The following RWDD4 variants were observed in gnomAD, a reference collection of about 807,000 sequenced individuals.
The protein encoded by RWDD4 is RWD domain-containing protein 4.
Under a neutral mutation model 30.0 loss-of-function variants are expected in RWDD4, and 16 were observed. The ratio of observed to expected loss-of-function variants is 0.53; its 90% CI spans 0.36 to 0.81. The LOEUF is 0.81. RWDD4 is among the 30% of genes least tolerant of loss of function. RWDD4 has a pLI of 0.00. For missense variants in RWDD4, 170 were observed against 223.9 expected, an observed-to-expected ratio of 0.76 and a Z score of 1.54; for synonymous variants, 45 against 72.1, an observed-to-expected ratio of 0.62 and a Z score of 1.90.
At chr4:183,649,613 T>G (rs1169973398) in intron 4 of RWDD4, 45 bp from the exon 5 acceptor site, 1 of 1,023,950 alleles carries the variant, frequency 9.8e-7, no homozygotes, top group African/African-American at 1.6e-5. Flanking sequence ...CCTTACAACT[T>G]GTGTTACACT....
At chr4:183,649,307 G>A (rs534425955) in intron 5 of RWDD4, 144 bp downstream of exon 5, 36 of 539,734 alleles carry the variant, frequency 6.7e-5, no homozygotes, top group East Asian at 5.7e-4. Context: ...CCAACTACTC[G>A]GGAGGCTGAG....
rs769705167 is a variant in RWDD4 at position 183,641,515 on chromosome 4, T to G, written c.535-47A>C. 9 of 1,427,606 alleles carry G rather than the reference T, an allele frequency of 6.3e-6. No individual in the cohort carries two copies. The East Asian group carries it at 1.4e-4, about 22-fold the overall frequency. The allele number at this position is 1,427,606 out of a possible 1,614,324, so 88.4% of individuals were successfully genotyped here. On this transcript the variant is annotated intron_variant, in intron 7 of 7. Coordinates refer to ENST00000326397, the MANE Select transcript of RWDD4 (RefSeq NM_152682.4). ...TAGTCAACAAGTGGTATTTTCTGAG[T>G]TCACTATTTCCATGGAGTATCAAAA...
rs533975636 is a variant in RWDD4, at chr4:183,655,443, G to A, written c.105+438C>T. On this transcript the variant is annotated intron_variant, in intron 2 of 7. Coordinates refer to ENST00000326397, the MANE Select transcript of RWDD4 (RefSeq NM_152682.4). ...ACTACAGGCGCCCGCCACCATGCCC[G>A]GCTAATTTTTTGTATTTTTAGTAGA... Among the ~76,000 whole-genome samples the A allele has an allele frequency of 4.9e-4, 75 of 151,658 alleles. 1 individual carries two copies. Among genetic ancestry groups the A allele is most frequent in the Non-Finnish European group, 3.5e-4 (24 of 67,898 alleles).
chr4:183,641,533 T>C, intron 7 of RWDD4, 65 bp from the exon 8 acceptor site: 1 of 1,273,000 alleles, frequency 7.9e-7, no homozygotes, highest in South Asian at 1.2e-5. Context: ...TTCCATGGAG[T>C]ATCAAAATTA....
In RWDD4 at chr4:183,644,644, C is replaced by T. The variant is rs75348373; in HGVS notation, c.534+1707G>A. On this transcript the variant is annotated intron_variant, in intron 7 of 7. Transcript: ENST00000326397. ...AAATACAAAAATTAGCCAGGTGTGG[C>T]GGTGCATGCCTGTAGTCCTAGCTAC... 1.8e-3 allele frequency among the ~76,000 whole-genome samples: 266 copies of T among 151,934 alleles called. 2 individuals are homozygous for T. In the East Asian group the frequency reaches 0.031, roughly 18 times the overall value.
intron 2 of RWDD4, 49 bp downstream of exon 2, chr4:183,655,830 TCA>T (rs1561014651): frequency 9.3e-7 from 1 of 1,072,644 alleles, no homozygotes; most frequent in Non-Finnish European, 1.4e-6. Flanking sequence ...TTAGCCACTT[TCA>T]GTCTTTTCTA....
intron 7 of RWDD4, among the ~76,000 whole-genome samples, chr4:183,645,557 C>T (rs1579124014): frequency 6.6e-6 from 1 of 150,802 alleles, no homozygotes; most frequent in East Asian, 2.0e-4. Flanking sequence ...ATCACCTAAG[C>T]CCAGGAGGTC....
At chr4:183,650,634 C>T (rs1734055441) in intron 4 of RWDD4, among the ~76,000 whole-genome samples, 1 of 152,064 alleles carries the variant, frequency 6.6e-6, no homozygotes, top group South Asian at 2.1e-4. Context: ...ATGCAGAAAG[C>T]AATTTCATAC....
rs568188579 is a variant in RWDD4 at position 183,642,400 on chromosome 4, AG to A, written c.535-933del. Among the ~76,000 whole-genome samples, 11 of 85,732 alleles carry A rather than the reference AG, an allele frequency of 1.3e-4. 5 individuals carry two copies. The highest frequency in any genetic ancestry group is 6.8e-4 in the South Asian group (2 of 2,962). 56.2% of individuals were successfully genotyped at this position (85,732 alleles called of 152,430 possible). A position where few individuals can be genotyped will look rare whatever the true frequency, so the allele number is the denominator to read the frequency against. On this transcript the variant is annotated intron_variant, in intron 7 of 7. Transcript: ENST00000326397. ...GAGACGGGGTTTCACCGTGTTAGCC[AG>A]GATGGTCTCGATCTCCTGACCTCGT...
At position 183,650,898 on chromosome 4, in the gene RWDD4, A is replaced by AATAT; in HGVS notation, c.363+82_363+85dup. 3 of 1,336,790 alleles carry AATAT rather than the reference A, an allele frequency of 2.2e-6. No individual in the cohort carries two copies. In the South Asian group the frequency reaches 4.7e-5, roughly 21 times the overall value. 82.8% of individuals were successfully genotyped at this position (1,336,790 alleles called of 1,614,324 possible). On this transcript the variant is annotated intron_variant, in intron 4 of 7. Coordinates refer to ENST00000326397, the MANE Select transcript of RWDD4 (RefSeq NM_152682.4). ...TTTAACAAGTCTTCTTCCGATTTTG[A>AATAT]ATATATATTAAGTAGTACAAATTTA...
At chr4:183,648,337 C>CATAG (rs913233464) in intron 5 of RWDD4, among the ~76,000 whole-genome samples, 9 of 151,870 alleles carry the variant, frequency 5.9e-5, no homozygotes, top group Non-Finnish European at 1.3e-4. Flanking sequence ...GTAGCACACG[C>CATAG]ATAGATACAT....
intron 7 of RWDD4, among the ~76,000 whole-genome samples, chr4:183,645,015 G>A (rs931453387): frequency 1.3e-5 from 2 of 152,022 alleles, no homozygotes; most frequent in African/African-American, 2.4e-5. Context: ...TGAGAGGATC[G>A]CTTAATCTGG....
chr4:183,647,455 C>T (rs911889634), intron 5 of RWDD4, among the ~76,000 whole-genome samples: 16 of 152,108 alleles, frequency 1.1e-4, no homozygotes, highest in African/African-American at 3.9e-4. Context: ...TTATAGGGGG[C>T]ACATCACCAA....
At chr4:183,652,809 A>C (rs1470608493) in intron 2 of RWDD4, among the ~76,000 whole-genome samples, 2 of 120,648 alleles carry the variant, frequency 1.7e-5, no homozygotes, top group Admixed American at 1.5e-4. Flanking sequence ...ACTCCATCTC[A>C]AAAAAAAAAA....
At chr4:183,657,395 A>C (rs1579134538) in intron 1 of RWDD4, among the ~76,000 whole-genome samples, 1 of 152,348 alleles carries the variant, frequency 6.6e-6, no homozygotes, top group South Asian at 2.1e-4. Context: ...GGACAGGTAC[A>C]AAAATAGGAG....
In RWDD4 at chr4:183,641,236, T is replaced by A; in HGVS notation, c.*200A>T. ...TAAACAGTAACATTTTCACCTTTTA[T>A]TAAGGCAAGTTTGTGAAAATAATTT... On this transcript the variant is annotated 3_prime_UTR_variant, in exon 8 of 8. Transcript: ENST00000326397. The A allele has an allele frequency of 1.7e-6, 1 of 604,152 alleles. No homozygotes were observed. Among genetic ancestry groups the A allele is most frequent in the Non-Finnish European group, 3.0e-6 (1 of 336,760 alleles). 37.4% of individuals were successfully genotyped at this position (604,152 alleles called of 1,614,324 possible).
intron 7 of RWDD4, among the ~76,000 whole-genome samples, chr4:183,644,756 T>C (rs533517767): frequency 6.7e-4 from 100 of 149,536 alleles, no homozygotes; most frequent in Admixed American, 1.3e-3. Flanking sequence ...CCAGCCTGGG[T>C]GACGGAGCGA....
intron 2 of RWDD4, among the ~76,000 whole-genome samples, chr4:183,654,094 G>A (rs913393458): frequency 5.9e-5 from 9 of 152,124 alleles, no homozygotes; most frequent in African/African-American, 1.2e-4. Flanking sequence ...ATCAAACAAT[G>A]TGTGCAAAAG....
chr4:183,648,630 T>G (rs1734011697), intron 5 of RWDD4, among the ~76,000 whole-genome samples: 1 of 152,186 alleles, frequency 6.6e-6, no homozygotes, highest in South Asian at 2.1e-4. Context: ...GGTATCCATT[T>G]CAAATGAAAA....
Sources: allele counts gnomAD v4.1 joint callset (sites outside exome capture counted in the v4.1 genomes callset), GRCh38; gene constraint gnomAD v4.1.1; transcripts MANE v1.5; gene names NCBI Gene and HGNC (gene_info 2026-07-23, HGNC 2026-07-21).